The following PCDHGB3 variants were observed in gnomAD, a reference collection of about 807,000 sequenced individuals.
PCDHGB3 encodes the protein protocadherin gamma-B3.
A neutral mutation model predicts 59.2 loss-of-function variants in PCDHGB3; 40 were observed. The ratio of observed to expected loss-of-function variants is 0.68; its 90% CI spans 0.52 to 0.88. The LOEUF is 0.88. PCDHGB3 is among the 40% of genes least tolerant of loss of function. PCDHGB3 has a pLI of 0.00. For synonymous variants in PCDHGB3, 581 were observed against 503.6 expected, an observed-to-expected ratio of 1.15 and a Z score of -2.06; for missense variants, 1,309 against 1,187.9, an observed-to-expected ratio of 1.10 and a Z score of -1.50.
intron 1 of PCDHGB3, among the ~76,000 whole-genome samples, chr5:141,445,597 G>T (rs2098471988): frequency 6.6e-6 from 1 of 152,200 alleles, no homozygotes; most frequent in African/African-American, 2.4e-5. Context: ...TAATCTGAAG[G>T]TCAAGGAAGG....
At position 141,371,386 on chromosome 5, in the gene PCDHGB3, G is replaced by GT; in HGVS notation, c.993dup (p.Lys332Ter). On this transcript the variant is annotated frameshift_variant, in exon 1 of 4. Transcript: ENST00000576222. LOFTEE classifies it high-confidence loss of function. ...GATGGTGGACATCACACTGCATATT[G>GT]TAAAGTACAGATAGATATTTCAGAT... 6.2e-7 allele frequency: 1 copy of GT among 1,614,006 alleles called. No individual in the cohort carries two copies. Among genetic ancestry groups the GT allele is most frequent in the Non-Finnish European group, 8.5e-7 (1 of 1,179,908 alleles).
chr5:141,505,704 G>A (rs770933428), intron 3 of PCDHGB3, among the ~76,000 whole-genome samples: 1 of 152,184 alleles, frequency 6.6e-6, no homozygotes, highest in Non-Finnish European at 1.5e-5. Context: ...GAGCGAACAA[G>A]GAAAAGACTC....
chr5:141,413,865 C>A, intron 1 of PCDHGB3: 2 of 1,613,388 alleles, frequency 1.2e-6, no homozygotes, highest in Non-Finnish European at 1.7e-6. Context: ...CTGGCACTGT[C>A]CTTGTCAGTG....
chr5:141,398,835 T>G (rs371527677), intron 1 of PCDHGB3: 60 of 1,613,796 alleles, frequency 3.7e-5, no homozygotes, highest in Non-Finnish European at 4.9e-5. Context: ...CCGACGCCAA[T>G]GATAATCCCC....
At chr5:141,435,215 C>G (rs4912753) in intron 1 of PCDHGB3, among the ~76,000 whole-genome samples, 81,908 of 151,924 alleles carry the variant, frequency 0.54, 24,122 homozygotes, top group African/African-American at 0.79. Flanking sequence ...AGTGAATTTA[C>G]TTTCTTTCAA....
At chr5:141,374,220 G>A (rs775122429) in intron 1 of PCDHGB3, 1 of 1,613,984 alleles carries the variant, frequency 6.2e-7, no homozygotes, top group Non-Finnish European at 8.5e-7. Context: ...TCCTTCGTAG[G>A]CAACATCGTC....
intron 1 of PCDHGB3, among the ~76,000 whole-genome samples, chr5:141,469,739 A>G (rs1352751978): frequency 1.3e-5 from 2 of 152,262 alleles, no homozygotes; most frequent in African/African-American, 4.8e-5. Flanking sequence ...TACACACCTC[A>G]AAAATTACAA....
At chr5:141,376,380 G>C in intron 1 of PCDHGB3, 4 of 1,614,214 alleles carry the variant, frequency 2.5e-6, no homozygotes, top group Non-Finnish European at 3.4e-6. Flanking sequence ...TCGCGTAAGA[G>C]TCATCTGATT....
rs1382764259 is a variant in PCDHGB3 at position 141,478,383 on chromosome 5, T to G, written c.2416-16424T>G. 2.5e-6 allele frequency: 4 copies of G among 1,613,630 alleles called. No individual in the cohort carries two copies. In the Admixed American group the frequency reaches 6.7e-5, roughly 27 times the overall value. Reference sequence around the variant, plus strand: ...CGGGGAGGCCTGATGTCGCCGCACCTTTACCATCAGGTGTATCTCACCACG... The same window carrying G: ...CGGGGAGGCCTGATGTCGCCGCACCGTTACCATCAGGTGTATCTCACCACG... On this transcript the variant is annotated intron_variant, in intron 1 of 3. Coordinates refer to ENST00000576222, the MANE Select transcript of PCDHGB3 (RefSeq NM_018924.5).
intron 1 of PCDHGB3, among the ~76,000 whole-genome samples, chr5:141,472,863 G>A (rs2099301197): frequency 6.7e-6 from 1 of 149,994 alleles, no homozygotes. Context: ...GCACATGCCT[G>A]TATTCCCAGC....
chr5:141,497,217 G>A (rs1046945884), intron 2 of PCDHGB3, among the ~76,000 whole-genome samples: 1 of 152,066 alleles, frequency 6.6e-6, no homozygotes, highest in African/African-American at 2.4e-5. Flanking sequence ...AATGGGGGGG[G>A]GAAGATCAGA....
At chr5:141,395,053 A>G (rs1210765378) in intron 1 of PCDHGB3, 1 of 1,614,062 alleles carries the variant, frequency 6.2e-7, no homozygotes, top group African/African-American at 1.3e-5. Flanking sequence ...GAGGAGGTAC[A>G]GGCTTTCCTG....
At position 141,432,394 on chromosome 5, in the gene PCDHGB3, C is replaced by G; in HGVS notation, c.2415+59585C>G. 1 of 1,614,260 alleles carries G rather than the reference C, an allele frequency of 6.2e-7. No individual in the cohort carries two copies. The highest frequency in any genetic ancestry group is 8.5e-7 in the Non-Finnish European group (1 of 1,180,050). On this transcript the variant is annotated intron_variant, in intron 1 of 3. Transcript: ENST00000576222. This position sits in a 1 kb window ranked among gnomAD's most constrained non-coding sequence, Gnocchi z 6.0. The stretch of plus-strand genomic sequence containing the variant: ...ACGGGCACCCGCCCCTCAGCAGCAA[C>G]GTGTCGTTGAGCCTGTTCGTGCTGG...
Position 141,489,492 on chromosome 5 carries a change from G to C in PCDHGB3, c.2416-5315G>C. On this transcript the variant is annotated intron_variant, in intron 1 of 3. Coordinates refer to ENST00000576222, the MANE Select transcript of PCDHGB3 (RefSeq NM_018924.5). This position sits in a 1 kb window ranked among gnomAD's most constrained non-coding sequence, Gnocchi z 4.5. The stretch of plus-strand genomic sequence containing the variant: ...CCCTGAGCTTGATGAGTGGTGCCCT[G>C]GCAGTGAATCAAAAGATTGACCGAG... The C allele has an allele frequency of 6.2e-7, 1 of 1,614,042 alleles. No homozygotes were observed. The highest frequency in any genetic ancestry group is 8.5e-7 in the Non-Finnish European group (1 of 1,180,034).
At chr5:141,499,025 GAAGA>G (rs1309889371) in intron 2 of PCDHGB3, among the ~76,000 whole-genome samples, 11 of 140,712 alleles carry the variant, frequency 7.8e-5, no homozygotes, top group African/African-American at 2.6e-4. Flanking sequence ...AGGAAGGAAG[GAAGA>G]AAAGAAAGAA....
In PCDHGB3 at chr5:141,476,524, T is replaced by C. The variant is rs1350353768; in HGVS notation, c.2416-18283T>C. On this transcript the variant is annotated intron_variant, in intron 1 of 3. Coordinates refer to ENST00000576222, the MANE Select transcript of PCDHGB3 (RefSeq NM_018924.5). The surrounding 1 kb of genome is among the most constrained non-coding windows in gnomAD (Gnocchi z 7.6). ...TCAACGACAACAATCCTGCTTTCCC[T>C]ACCCAGGAAATGAAATTGGAGATTA... 6.2e-7 allele frequency: 1 copy of C among 1,614,182 alleles called. No individual in the cohort carries two copies. Among genetic ancestry groups the C allele is most frequent in the Non-Finnish European group, 8.5e-7 (1 of 1,180,028 alleles).
Position 141,487,171 on chromosome 5 carries a change from G to C in PCDHGB3, c.2416-7636G>C. ...CTGTTACTCTCTTAGTGTCCTTAGA[G>C]GAAGACACTCATCCAGTTGTCCCAG... On this transcript the variant is annotated intron_variant, in intron 1 of 3. Transcript: ENST00000576222. The surrounding 1 kb of genome is among the most constrained non-coding windows in gnomAD (Gnocchi z 5.0). 1 of 1,612,938 alleles carries C rather than the reference G, an allele frequency of 6.2e-7. No individual in the cohort carries two copies. Among genetic ancestry groups the C allele is most frequent in the Non-Finnish European group, 8.5e-7 (1 of 1,178,910 alleles).
chr5:141,400,230 G>A, intron 1 of PCDHGB3: 3 of 1,613,992 alleles, frequency 1.9e-6, no homozygotes, highest in Non-Finnish European at 2.5e-6. Flanking sequence ...TCTTCCTCCT[G>A]GCCGTGATTC....
rs377367120 is a variant in PCDHGB3, at chr5:141,431,614, C to A, written c.2415+58805C>A. On this transcript the variant is annotated intron_variant, in intron 1 of 3. Transcript: ENST00000576222. The surrounding 1 kb of genome is among the most constrained non-coding windows in gnomAD (Gnocchi z 4.8). ...TGAGGTATTCCTTCCGGTATGTGGA[C>A]GACAAGGCGGCCCAAGTTTTCAAAC... The A allele has an allele frequency of 8.7e-6, 14 of 1,614,206 alleles. No individual in the cohort carries two copies. In the African/African-American group the frequency reaches 1.6e-4, roughly 18 times the overall value.
Sources: gnomAD v4.1 joint callset for allele counts (sites outside exome capture counted in the v4.1 genomes callset) on GRCh38, gnomAD v4.1.1 for gene constraint, Gnocchi (gnomAD v3.1) non-coding constraint, MANE v1.5 for transcripts, NCBI Gene and HGNC (gene_info 2026-07-23, HGNC 2026-07-21) for gene names.